The following GRM8 variants were observed in gnomAD, a reference collection of about 807,000 sequenced individuals.
The protein encoded by GRM8 is metabotropic glutamate receptor 8.
GRM8 carries 47 observed loss-of-function variants against 87.2 expected under a neutral mutation model. The observed-to-expected ratio is 0.54, with a 90% CI of 0.43 to 0.69. The LOEUF is 0.69. Among genes scored for constraint, GRM8 ranks in the 30% least tolerant of loss-of-function variants. The pLI is 0.00. For synonymous variants in GRM8, 396 were observed against 404.5 expected, an observed-to-expected ratio of 0.98 and a Z score of 0.25; for missense variants, 1,019 against 1,139.2, an observed-to-expected ratio of 0.89 and a Z score of 1.52.
chr7:126,748,293 T>C (rs1262049638), intron 7 of GRM8, among the ~76,000 whole-genome samples: 1 of 152,060 alleles, frequency 6.6e-6, no homozygotes, highest in East Asian at 1.9e-4. Context: ...TGAAAAAATA[T>C]GAGTTAATAA....
At chr7:127,134,978 T>C (rs1827871399) in intron 2 of GRM8, among the ~76,000 whole-genome samples, 1 of 152,088 alleles carries the variant, frequency 6.6e-6, no homozygotes, top group Admixed American at 6.5e-5. Flanking sequence ...GATGAAAATA[T>C]AATAGGCAAA....
At chr7:127,080,616 C>T (rs1822753202) in intron 3 of GRM8, 1 of 151,442 alleles carries the variant, frequency 6.6e-6, no homozygotes, top group South Asian at 2.1e-4. Flanking sequence ...ATATAAGCGT[C>T]CCCTGGAAGT....
chr7:126,487,370 G>T (rs1289557673), intron 9 of GRM8, among the ~76,000 whole-genome samples: 1 of 151,840 alleles, frequency 6.6e-6, no homozygotes, highest in East Asian at 1.9e-4. Flanking sequence ...GGCTCAAGCG[G>T]TCCCTGTTCT....
intron 8 of GRM8, among the ~76,000 whole-genome samples, chr7:126,565,584 G>A (rs1423240526): frequency 2.0e-5 from 3 of 152,072 alleles, no homozygotes; most frequent in African/African-American, 7.2e-5. Context: ...TTATGGATTA[G>A]AAGGCTTAAT....
chr7:126,635,913 CA>C (rs1179532373), intron 7 of GRM8, among the ~76,000 whole-genome samples: 47 of 152,202 alleles, frequency 3.1e-4, no homozygotes, highest in African/African-American at 9.4e-4. Flanking sequence ...CAAGCATTTA[CA>C]CATCATAAAT....
At chr7:126,534,325 T>A (rs1014963987) in intron 8 of GRM8, among the ~76,000 whole-genome samples, 1 of 152,226 alleles carries the variant, frequency 6.6e-6, no homozygotes, top group Non-Finnish European at 1.5e-5. Flanking sequence ...CTTTCTACCA[T>A]ACTTAGGGAA....
intron 7 of GRM8, among the ~76,000 whole-genome samples, chr7:126,652,663 G>A (rs1450511697): frequency 1.3e-5 from 2 of 152,224 alleles, no homozygotes; most frequent in East Asian, 1.9e-4. Flanking sequence ...TCCTGCCCTC[G>A]AACATGAGAC....
rs758159198 is a variant in GRM8, at chr7:126,748,086, A to G, written c.1357+21779T>C. On this transcript the variant is annotated intron_variant, in intron 7 of 10. Transcript: ENST00000339582. ...AAAAATGTAATTATTTCTGTCTATG[A>G]TAAGAAAAAAGACAAGGATGTCTTA... is the stretch of plus-strand genomic sequence containing the variant. 6.3e-4 allele frequency among the ~76,000 whole-genome samples: 96 copies of G among 152,176 alleles called. 1 individual carries two copies. Among genetic ancestry groups the G allele is most frequent in the Non-Finnish European group, 1.2e-3 (83 of 67,946 alleles).
chr7:127,065,027 A>G (rs1324886907), intron 3 of GRM8, among the ~76,000 whole-genome samples: 1 of 152,220 alleles, frequency 6.6e-6, no homozygotes, highest in Non-Finnish European at 1.5e-5. Flanking sequence ...ATACACCCAG[A>G]GGAATATAAA....
intron 8 of GRM8, among the ~76,000 whole-genome samples, chr7:126,578,472 G>A (rs1301587052): frequency 1.3e-5 from 2 of 152,186 alleles, no homozygotes; most frequent in African/African-American, 4.8e-5. Flanking sequence ...CTAGCTCCAT[G>A]AGCTGAGCTG....
At chr7:126,827,882 TC>T (rs1563225401) in intron 6 of GRM8, among the ~76,000 whole-genome samples, 1 of 152,232 alleles carries the variant, frequency 6.6e-6, no homozygotes, top group African/African-American at 2.4e-5. Flanking sequence ...TTGAGATACA[TC>T]CCATCAATAC....
intron 3 of GRM8, among the ~76,000 whole-genome samples, chr7:127,066,691 T>C (rs1263683907): frequency 6.6e-6 from 1 of 152,152 alleles, no homozygotes; most frequent in Non-Finnish European, 1.5e-5. Context: ...AAACTGTATA[T>C]TATTAACAGT....
intron 3 of GRM8, among the ~76,000 whole-genome samples, chr7:127,048,484 C>T (rs1214270781): frequency 6.6e-6 from 1 of 152,160 alleles, no homozygotes; most frequent in East Asian, 1.9e-4. Flanking sequence ...TACCTTTGGC[C>T]ATTGTGGTGA....
intron 6 of GRM8, among the ~76,000 whole-genome samples, chr7:126,889,244 A>G (rs1333858914): frequency 2.0e-5 from 3 of 152,152 alleles, no homozygotes; most frequent in Non-Finnish European, 4.4e-5. Context: ...TGCGGAAAAT[A>G]AGCATTTATC....
chr7:126,751,828 G>T (rs1215044384), intron 7 of GRM8, among the ~76,000 whole-genome samples: 1 of 152,158 alleles, frequency 6.6e-6, no homozygotes, highest in Non-Finnish European at 1.5e-5. Flanking sequence ...TCTCAGGCCA[G>T]AAGAGTGATC....
At chr7:126,885,834 C>G (rs142681084) in intron 6 of GRM8, among the ~76,000 whole-genome samples, 1 of 152,064 alleles carries the variant, frequency 6.6e-6, no homozygotes, top group Non-Finnish European at 1.5e-5. Context: ...GAAATAAAAA[C>G]AGGAAATCCA....
intron 7 of GRM8, among the ~76,000 whole-genome samples, chr7:126,646,262 A>AGAAGGAACGAAGGAAGGAAGGAAG (rs1803049564): frequency 7.3e-5 from 10 of 137,842 alleles, no homozygotes; most frequent in Non-Finnish European, 1.1e-4. Flanking sequence ...AAGGAGGGAA[A>AGAAGGAACGAAGGAAGGAAGGAAG]GAAGGAAGGA....
chr7:127,225,405 C>T (rs1797257934), intron 2 of GRM8, among the ~76,000 whole-genome samples: 1 of 152,048 alleles, frequency 6.6e-6, no homozygotes, highest in Non-Finnish European at 1.5e-5. Flanking sequence ...GGTGGAGTTT[C>T]CCTCCTGGGG....
At chr7:127,159,273 T>C (rs190965752) in intron 2 of GRM8, among the ~76,000 whole-genome samples, 3 of 152,310 alleles carry the variant, frequency 2.0e-5, no homozygotes, top group African/African-American at 7.2e-5. Flanking sequence ...AGTCACTGTT[T>C]GATAATAAGA....
Sources: allele counts gnomAD v4.1 joint callset (sites outside exome capture counted in the v4.1 genomes callset), GRCh38; gene constraint gnomAD v4.1.1; transcripts MANE v1.5; gene names NCBI Gene and HGNC (gene_info 2026-07-23, HGNC 2026-07-21).